Variants in ABCA10 observed in about 807,000 individuals in gnomAD.
The protein encoded by ABCA10 is ATP binding cassette subfamily A member 10.
In ABCA10, 169 loss-of-function variants were observed where a neutral mutation model predicts 187.5. The observed-to-expected ratio is 0.90, with a 90% CI of 0.80 to 1.02. ABCA10 has a LOEUF of 1.02. Among genes scored for constraint, ABCA10 ranks in the 50% least tolerant of loss-of-function variants. ABCA10 has a pLI of 0.00. For missense variants in ABCA10, 1,727 were observed against 1,812.4 expected (o/e 0.95, Z 0.86); for synonymous variants, 574 against 601.8 (o/e 0.95, Z 0.68).
Position 69,148,594 on chromosome 17 carries a change from ACC to A in ABCA10, c.*231_*232del. ...TAAATTATTTTTAAGCACAAAATAG[ACC>A]CATGTTGGGGATGAATAACATGTCT... On this transcript the variant is annotated 3_prime_UTR_variant, in exon 39 of 39. Transcript: ENST00000690296. The A allele has an allele frequency of 2.3e-6, 1 of 436,010 alleles. No homozygotes were observed. Among genetic ancestry groups the A allele is most frequent in the Non-Finnish European group, 4.1e-6 (1 of 246,384 alleles). 27.0% of individuals were successfully genotyped at this position (436,010 alleles called of 1,614,324 possible). A position where few individuals can be genotyped will look rare whatever the true frequency, so the allele number is the denominator to read the frequency against.
In ABCA10 at chr17:69,191,190, G is replaced by GT; in HGVS notation, c.1996dup (p.Thr666AsnfsTer10). ...CAGTAAGTTACCTGGAAATTTGTTC[G>GT]TTTTTTCCAAAGGCAAACTATATAC... On this transcript the variant is annotated frameshift_variant, in exon 17 of 39. Transcript: ENST00000690296. 6.3e-7 allele frequency: 1 copy of GT among 1,591,866 alleles called. No homozygotes were observed. Among genetic ancestry groups the GT allele is most frequent in the Non-Finnish European group, 8.6e-7 (1 of 1,167,758 alleles).
In ABCA10 at chr17:69,193,813, C is replaced by T. The variant is rs562955376; in HGVS notation, c.1521+1G>A. On this transcript the variant is annotated splice_donor_variant, in intron 13 of 38. Transcript: ENST00000690296. LOFTEE classifies it high-confidence loss of function. The stretch of plus-strand genomic sequence containing the variant: ...CCATCAATCTTAATGTGTTCCTGTA[C>T]CTCTTGTTCCACTTCCTTTGGCTGA... 6 of 1,612,798 alleles carry T rather than the reference C, an allele frequency of 3.7e-6. No individual in the cohort carries two copies. In the African/African-American group the frequency reaches 6.7e-5, roughly 18 times the overall value.
chr17:69,155,606 C>A (rs1014834828), intron 29 of ABCA10, among the ~76,000 whole-genome samples, 199 bp downstream of exon 29: 1 of 151,892 alleles, frequency 6.6e-6, no homozygotes, highest in African/African-American at 2.4e-5. Context: ...AGAGTAAGAC[C>A]CACAGAAAAC....
upstream of ABCA10, chr17:69,228,836 G>A (rs913716946): frequency 6.6e-6 from 1 of 151,878 alleles, no homozygotes; most frequent in Non-Finnish European, 1.5e-5. Flanking sequence ...TTGGCTGAGC[G>A]CATCATTGGT....
At chr17:69,158,782 A>C (rs2074193658) in intron 27 of ABCA10, among the ~76,000 whole-genome samples, 1 of 152,092 alleles carries the variant, frequency 6.6e-6, no homozygotes, top group South Asian at 2.1e-4. Context: ...TGAATTGATC[A>C]AAATATATAA....
At chr17:69,152,702 A>G (rs573505624) in intron 34 of ABCA10, among the ~76,000 whole-genome samples, 1 of 152,146 alleles carries the variant, frequency 6.6e-6, no homozygotes, top group African/African-American at 2.4e-5. Context: ...TGAGTGGATC[A>G]CTTAAGCCCA....
intron 36 of ABCA10, 81 bp downstream of exon 36, chr17:69,151,962 G>A (rs990815717): frequency 3.7e-5 from 56 of 1,525,392 alleles, no homozygotes; most frequent in African/African-American, 2.9e-4. Context: ...TTTCTCTTCC[G>A]GTTTAGACTA....
upstream of ABCA10, chr17:69,228,858 GCT>G (rs2074813101): frequency 2.0e-5 from 3 of 151,770 alleles, no homozygotes; most frequent in South Asian, 6.2e-4. Context: ...TTTGTTTATT[GCT>G]CTTTTTGGCA....
At chr17:69,149,158 G>T in intron 37 of ABCA10, 70 bp from the exon 38 acceptor site, 1 of 1,526,400 alleles carries the variant, frequency 6.6e-7, no homozygotes, top group Non-Finnish European at 9.1e-7. Context: ...TCATACAATA[G>T]AGACAGTAGC....
At chr17:69,239,357 T>C (rs1388892290) in intron 1 of ABCA10, among the ~76,000 whole-genome samples, 8 of 152,224 alleles carry the variant, frequency 5.3e-5, no homozygotes, top group Admixed American at 5.2e-4. Flanking sequence ...AAGAAACATG[T>C]GAGCTGCAAA....
In ABCA10 at chr17:69,210,170, C is replaced by CTTTTT. The variant is rs1160992125; in HGVS notation, c.1006+4529_1006+4533dup. Among the ~76,000 whole-genome samples, 188 of 70,874 alleles carry CTTTTT rather than the reference C, an allele frequency of 2.7e-3. 9 individuals are homozygous for CTTTTT. Among genetic ancestry groups the CTTTTT allele is most frequent in the East Asian group, 3.2e-3 (9 of 2,850 alleles). 46.5% of individuals were successfully genotyped at this position (70,874 alleles called of 152,430 possible). A position where few individuals can be genotyped will look rare whatever the true frequency, so the allele number is the denominator to read the frequency against. ...TGGGTAAATTATTTAGTGGTTATTT[C>CTTTTT]TTTTTTTTTTTTTTTTTTTTTTTTT... is the stretch of plus-strand genomic sequence containing the variant. On this transcript the variant is annotated intron_variant, in intron 9 of 38. Coordinates refer to ENST00000690296, the MANE Select transcript of ABCA10 (RefSeq NM_001377321.1).
upstream of ABCA10, chr17:69,233,714 A>T (rs2074846321): frequency 6.6e-6 from 1 of 152,152 alleles, no homozygotes; most frequent in East Asian, 1.9e-4. Flanking sequence ...TCTTCAGGAG[A>T]TCTTCCACAG....
intron 9 of ABCA10, among the ~76,000 whole-genome samples, chr17:69,210,451 A>C (rs980411179): frequency 6.7e-6 from 1 of 150,076 alleles, no homozygotes; most frequent in African/African-American, 2.5e-5. Context: ...GGCCTCCCAA[A>C]GTGCTGGGAT....
intron 22 of ABCA10, among the ~76,000 whole-genome samples, chr17:69,181,910 T>C (rs1419463358): frequency 6.6e-6 from 1 of 151,584 alleles, no homozygotes; most frequent in Non-Finnish European, 1.5e-5. Context: ...AATATATATA[T>C]ATATGTATGC....
At chr17:69,197,030 G>A in intron 11 of ABCA10, 34 bp downstream of exon 11, 1 of 1,463,700 alleles carries the variant, frequency 6.8e-7, no homozygotes, top group Non-Finnish European at 9.3e-7. Context: ...GGGGGAGAGG[G>A]AGAGGGAGAG....
rs1249250067 is a variant in ABCA10, at chr17:69,154,215, T to G, written c.3786+20A>C. Reference sequence around the variant, plus strand: ...ATGTCATCAATATTTAAAATAAAATTTCCTTCACATGTCACATACCACTCC... The same window carrying G: ...ATGTCATCAATATTTAAAATAAAATGTCCTTCACATGTCACATACCACTCC... On this transcript the variant is annotated intron_variant, in intron 31 of 38. Transcript: ENST00000690296. The G allele has an allele frequency of 6.4e-7, 1 of 1,564,268 alleles. No homozygotes were observed. Among genetic ancestry groups the G allele is most frequent in the Admixed American group, 1.9e-5 (1 of 51,526 alleles).
chr17:69,239,904 C>T (rs772789704), intron 1 of ABCA10, among the ~76,000 whole-genome samples: 1 of 152,156 alleles, frequency 6.6e-6, no homozygotes, highest in African/African-American at 2.4e-5. Context: ...ACGCAGGATG[C>T]CTGGTTTTCT....
Position 69,221,868 on chromosome 17 carries a change from A to G in ABCA10, c.227T>C (p.Ile76Thr). Residue 76 changes from isoleucine (I) to threonine (T), a missense_variant, in exon 5 of 39, where the codon ATT becomes ACT. By Grantham distance (89) the Ile-to-Thr change is moderately conservative. Coordinates refer to ENST00000690296, the MANE Select transcript of ABCA10 (RefSeq NM_001377321.1). The stretch of plus-strand genomic sequence containing the variant: ...CCAGTACTTTGCCAAGTAACAAAAA[A>G]TTTCACCATGCATGGCCCAACAGTG... ...TEHCWAMHGEIFCYLAKYWLK... is the reference protein window; with the variant it reads ...TEHCWAMHGETFCYLAKYWLK... The G allele has an allele frequency of 6.2e-7, 1 of 1,613,168 alleles. No individual in the cohort carries two copies. Among genetic ancestry groups the G allele is most frequent in the East Asian group, 2.2e-5 (1 of 44,830 alleles).
chr17:69,174,415 T>A (rs200566862), intron 24 of ABCA10, 21 bp from the exon 25 acceptor site: 3 of 1,552,106 alleles, frequency 1.9e-6, no homozygotes, highest in Non-Finnish European at 2.6e-6. Flanking sequence ...TGAGGATCAA[T>A]GGCAAGATTA....
Sources: allele counts gnomAD v4.1 joint callset (sites outside exome capture counted in the v4.1 genomes callset), GRCh38; gene constraint gnomAD v4.1.1; transcripts MANE v1.5; gene names NCBI Gene and HGNC (gene_info 2026-07-23, HGNC 2026-07-21).